FSHR: variants seen among roughly 807,000 people sequenced by gnomAD.
FSHR encodes the protein follicle stimulating hormone receptor.
Under a neutral mutation model 52.1 loss-of-function variants are expected in FSHR, and 46 were observed. That is an observed-to-expected ratio of 0.88 (90% CI 0.70 to 1.13). The LOEUF is 1.13. Among genes scored for constraint, FSHR ranks in the 50% most tolerant of loss-of-function variants. The pLI is 0.00. For synonymous variants in FSHR, 399 were observed against 309.6 expected, an observed-to-expected ratio of 1.29 and a Z score of -3.03; for missense variants, 964 against 834.6, an observed-to-expected ratio of 1.16 and a Z score of -1.91.
chr2:48,990,645 G>C lies in FSHR; in HGVS notation c.375-8C>G. The C allele has an allele frequency of 1.3e-6, 2 of 1,554,628 alleles. No homozygotes were observed. Among genetic ancestry groups the C allele is most frequent in the South Asian group, 1.1e-5 (1 of 89,858 alleles). On this transcript the variant is annotated splice_polypyrimidine_tract_variant and splice_region_variant and intron_variant, in intron 4 of 9. Coordinates refer to ENST00000406846, the MANE Select transcript of FSHR (RefSeq NM_000145.4). The stretch of plus-strand genomic sequence containing the variant: ...CCTGTGTTGGATATTAACCTAGAGA[G>C]AAACAAAATGAGAGTGAGTGAAAAT...
intron 2 of FSHR, among the ~76,000 whole-genome samples, chr2:49,052,600 C>T (rs1202385433): frequency 6.6e-6 from 1 of 152,120 alleles, no homozygotes; most frequent in Non-Finnish European, 1.5e-5. Flanking sequence ...AGAAGAGAAC[C>T]ACTCAACGTC....
At chr2:49,033,801 A>G (rs1252433838) in intron 2 of FSHR, among the ~76,000 whole-genome samples, 1 of 152,080 alleles carries the variant, frequency 6.6e-6, no homozygotes, top group Non-Finnish European at 1.5e-5. Context: ...TTACATTTTA[A>G]TAGGGAGCAA....
intron 1 of FSHR, among the ~76,000 whole-genome samples, chr2:49,123,195 A>G (rs1671878327): frequency 6.6e-6 from 1 of 152,188 alleles, no homozygotes; most frequent in Non-Finnish European, 1.5e-5. Context: ...AAAATAGCTA[A>G]AAGTGAGAAT....
intron 1 of FSHR, among the ~76,000 whole-genome samples, chr2:49,088,916 T>C (rs1670496937): frequency 6.6e-6 from 1 of 152,206 alleles, no homozygotes; most frequent in African/African-American, 2.4e-5. Flanking sequence ...GTTTCACACA[T>C]TTAATCAGAA....
At chr2:49,093,657 C>A in intron 1 of FSHR, among the ~76,000 whole-genome samples, 1 of 143,410 alleles carries the variant, frequency 7.0e-6, no homozygotes, top group East Asian at 2.1e-4. Flanking sequence ...TTCATTGGTA[C>A]GATCGCAGCT....
intron 4 of FSHR, among the ~76,000 whole-genome samples, chr2:48,998,601 T>C (rs1676127618): frequency 6.6e-6 from 1 of 152,080 alleles, no homozygotes; most frequent in Non-Finnish European, 1.5e-5. Flanking sequence ...TAGCTGAATT[T>C]TACAACAGTA....
intron 1 of FSHR, among the ~76,000 whole-genome samples, chr2:49,108,636 T>C (rs1397733624): frequency 1.3e-5 from 2 of 152,052 alleles, no homozygotes; most frequent in Non-Finnish European, 2.9e-5. Flanking sequence ...GCATGGGAGT[T>C]TTCAAAAATG....
At chr2:49,119,460 A>G (rs1486438402) in intron 1 of FSHR, among the ~76,000 whole-genome samples, 1 of 152,078 alleles carries the variant, frequency 6.6e-6, no homozygotes, top group Non-Finnish European at 1.5e-5. Flanking sequence ...GAAACCTAAA[A>G]TATTTTCTTA....
intron 1 of FSHR, among the ~76,000 whole-genome samples, chr2:49,119,876 T>C (rs534449277): frequency 4.5e-4 from 69 of 152,276 alleles, no homozygotes; most frequent in African/African-American, 1.7e-3. Context: ...GGACTAATAA[T>C]AGTCTCTACA....
intron 1 of FSHR, among the ~76,000 whole-genome samples, chr2:49,081,745 T>G (rs1670178661): frequency 2.6e-5 from 4 of 152,358 alleles, no homozygotes; most frequent in Middle Eastern, 3.4e-3. Context: ...TTTTCTTCCC[T>G]GAAATTGGGA....
chr2:49,071,758 A>G (rs1488360301), intron 1 of FSHR, among the ~76,000 whole-genome samples: 1 of 152,108 alleles, frequency 6.6e-6, no homozygotes, highest in Non-Finnish European at 1.5e-5. Flanking sequence ...TCTTCCACTC[A>G]TGGCAGTAGG....
intron 2 of FSHR, 145 bp downstream of exon 2, chr2:49,068,074 C>T (rs1669575899): frequency 2.8e-6 from 2 of 704,398 alleles, no homozygotes; most frequent in Non-Finnish European, 5.2e-6. Flanking sequence ...ACCATGGTAA[C>T]ACAGTAAAAT....
At chr2:49,095,941 A>G (rs532361104) in intron 1 of FSHR, among the ~76,000 whole-genome samples, 2 of 152,310 alleles carry the variant, frequency 1.3e-5, no homozygotes, top group South Asian at 2.1e-4. Flanking sequence ...CACTAGGATG[A>G]CTGTAATTAA....
At chr2:49,017,932 G>A (rs1391369704) in intron 3 of FSHR, among the ~76,000 whole-genome samples, 2 of 152,012 alleles carry the variant, frequency 1.3e-5, no homozygotes, top group South Asian at 2.1e-4. Context: ...TTAGGAATGA[G>A]ACTAATATGG....
intron 2 of FSHR, among the ~76,000 whole-genome samples, chr2:49,051,847 CTTAAAG>C (rs1668870786): frequency 1.3e-5 from 2 of 152,078 alleles, no homozygotes; most frequent in African/African-American, 4.8e-5. Flanking sequence ...CAATTATCCA[CTTAAAG>C]TTAAATTTTG....
chr2:49,009,733 G>C (rs1009893056), intron 4 of FSHR, among the ~76,000 whole-genome samples: 1 of 146,422 alleles, frequency 6.8e-6, no homozygotes, highest in East Asian at 2.1e-4. Flanking sequence ...TCCTTGAAGA[G>C]GTCCTTCACG....
intron 2 of FSHR, among the ~76,000 whole-genome samples, chr2:49,061,577 GATAT>G (rs1669292097): frequency 7.1e-6 from 1 of 139,888 alleles, no homozygotes; most frequent in Non-Finnish European, 1.5e-5. Flanking sequence ...TACATATTTA[GATAT>G]ATATCTATAT....
intron 1 of FSHR, among the ~76,000 whole-genome samples, chr2:49,123,233 G>C (rs554993177): frequency 5.3e-5 from 8 of 152,278 alleles, no homozygotes; most frequent in African/African-American, 1.9e-4. Flanking sequence ...AGGCGCGGTG[G>C]TTCACATCTA....
intron 1 of FSHR, among the ~76,000 whole-genome samples, chr2:49,087,735 G>A (rs775881795): frequency 2.6e-5 from 4 of 152,170 alleles, no homozygotes; most frequent in Non-Finnish European, 5.9e-5. Flanking sequence ...AGCAAGGGAA[G>A]GCGAAAGATG....
Sources: allele counts gnomAD v4.1 joint callset (sites outside exome capture counted in the v4.1 genomes callset), GRCh38; gene constraint gnomAD v4.1.1; transcripts MANE v1.5; gene names NCBI Gene and HGNC (gene_info 2026-07-23, HGNC 2026-07-21).